Variants in HOMER1 observed in about 807,000 individuals in gnomAD.
The protein encoded by HOMER1 is homer protein homolog 1.
In HOMER1, 3 loss-of-function variants were observed where a neutral mutation model predicts 48.9. The ratio of observed to expected loss-of-function variants is 0.06; its 90% CI spans 0.03 to 0.16. The LOEUF (loss-of-function observed/expected upper bound fraction) is 0.16, where lower values mean the gene tolerates loss of function less well. Ranked by LOEUF, HOMER1 falls within the 10% of genes least tolerant of loss-of-function variation. The pLI, the probability that HOMER1 is intolerant of heterozygous loss-of-function variation, is 1.00. For missense variants in HOMER1, 247 were observed against 411.4 expected, an observed-to-expected ratio of 0.60 and a Z score of 3.46; for synonymous variants, 134 against 146.4, an observed-to-expected ratio of 0.92 and a Z score of 0.61.
At chr5:79,413,552 T>C (rs1441719988) in intron 5 of HOMER1, among the ~76,000 whole-genome samples, 1 of 152,114 alleles carries the variant, frequency 6.6e-6, no homozygotes, top group African/African-American at 2.4e-5. Context: ...CTGAACACTA[T>C]GCCCAACAGG....
chr5:79,482,533 C>T (rs889761724), intron 1 of HOMER1, among the ~76,000 whole-genome samples: 3 of 149,558 alleles, frequency 2.0e-5, no homozygotes, highest in East Asian at 3.9e-4. Flanking sequence ...TAAGGCATTA[C>T]AGAAAAAAAA....
At chr5:79,406,803 T>C (rs1015417618) in intron 5 of HOMER1, among the ~76,000 whole-genome samples, 1 of 152,110 alleles carries the variant, frequency 6.6e-6, no homozygotes, top group Non-Finnish European at 1.5e-5. Context: ...GGCAGGAAAC[T>C]CCTACACAAG....
intron 1 of HOMER1, among the ~76,000 whole-genome samples, chr5:79,483,911 G>A (rs868237131): frequency 4.6e-5 from 7 of 151,712 alleles, no homozygotes; most frequent in African/African-American, 9.7e-5. Flanking sequence ...AAAATTAGCC[G>A]GGTGTGGTGG....
intron 6 of HOMER1, among the ~76,000 whole-genome samples, chr5:79,398,716 A>C (rs916067565): frequency 6.6e-6 from 1 of 152,168 alleles, no homozygotes. Context: ...CTAAACGCTC[A>C]GATCCTCTGT....
At position 79,471,551 on chromosome 5, in the gene HOMER1, G is replaced by GAAAAAAAAAAA. The variant is rs55724615; in HGVS notation, c.6-14544_6-14534dup. ...AATAAGAGCAAAACTCCATCTCAAA[G>GAAAAAAAAAAA]AAAAAAAAAAAAAAAAAAAAAAGAA... is the stretch of plus-strand genomic sequence containing the variant. On this transcript the variant is annotated intron_variant, in intron 1 of 8. Coordinates refer to ENST00000334082, the MANE Select transcript of HOMER1 (RefSeq NM_004272.5). Among the ~76,000 whole-genome samples, 71 of 97,642 alleles carry GAAAAAAAAAAA rather than the reference G, an allele frequency of 7.3e-4. 1 individual carries two copies. The highest frequency in any genetic ancestry group is 1.1e-3 in the South Asian group (3 of 2,658). The allele number at this position is 97,642 out of a possible 152,430, so 64.1% of individuals were successfully genotyped here.
intron 4 of HOMER1, among the ~76,000 whole-genome samples, chr5:79,446,804 A>ATTTTTTTTTT (rs35036295): frequency 2.0e-5 from 2 of 101,730 alleles, no homozygotes; most frequent in Non-Finnish European, 3.7e-5. Context: ...CACTTGGCTA[A>ATTTTTTTTTT]TTTTTTTTTT....
chr5:79,413,770 T>C (rs1749870056), intron 5 of HOMER1, among the ~76,000 whole-genome samples: 1 of 152,086 alleles, frequency 6.6e-6, no homozygotes, highest in Admixed American at 6.5e-5. Flanking sequence ...GGCCCTAAGC[T>C]ATAATAGGTC....
chr5:79,441,055 G>T lies in HOMER1; in HGVS notation c.388-1906C>A, dbSNP rs530586525. Among the ~76,000 whole-genome samples, 4 of 152,258 alleles carry T rather than the reference G, an allele frequency of 2.6e-5. No individual in the cohort carries two copies. In the South Asian group the frequency reaches 8.3e-4, roughly 32 times the overall value. ...GGTGCCTGTAGTCCCAGCTATTCGG[G>T]AGGCTGAGGTGGAAGAATCGCTTGA... On this transcript the variant is annotated intron_variant, in intron 4 of 8. Transcript: ENST00000334082.
chr5:79,392,295 A>G (rs1211564395), intron 8 of HOMER1, among the ~76,000 whole-genome samples: 1 of 152,178 alleles, frequency 6.6e-6, no homozygotes, highest in Non-Finnish European at 1.5e-5. Flanking sequence ...AGGAGATGAC[A>G]GCTCCATGCC....
At chr5:79,442,221 C>A (rs1052526333) in intron 4 of HOMER1, among the ~76,000 whole-genome samples, 1 of 151,994 alleles carries the variant, frequency 6.6e-6, no homozygotes, top group Non-Finnish European at 1.5e-5. Context: ...AAGAACAAAT[C>A]TGAGAGAGTA....
chr5:79,459,404 G>T (rs988373516), intron 1 of HOMER1, among the ~76,000 whole-genome samples: 1 of 152,198 alleles, frequency 6.6e-6, no homozygotes, highest in East Asian at 1.9e-4. Context: ...TATTGTATAA[G>T]CAAATGCCAT....
At chr5:79,504,981 A>AAGACTCCC (rs1215059032) in intron 1 of HOMER1, among the ~76,000 whole-genome samples, 1 of 152,206 alleles carries the variant, frequency 6.6e-6, no homozygotes, top group Non-Finnish European at 1.5e-5. Flanking sequence ...GACTTCTATT[A>AAGACTCCC]AGACTCCCCA....
At chr5:79,412,051 G>A (rs1580432732) in intron 5 of HOMER1, among the ~76,000 whole-genome samples, 1 of 152,262 alleles carries the variant, frequency 6.6e-6, no homozygotes, top group African/African-American at 2.4e-5. Context: ...CCTGGGAGGT[G>A]GAGGTTGCAG....
intron 5 of HOMER1, among the ~76,000 whole-genome samples, chr5:79,403,702 G>A (rs1359250681): frequency 1.3e-5 from 2 of 152,156 alleles, no homozygotes; most frequent in East Asian, 3.8e-4. Flanking sequence ...CAATGCTACT[G>A]CCCTGGATTT....
chr5:79,401,210 C>T (rs1164882890), intron 6 of HOMER1, among the ~76,000 whole-genome samples: 1 of 152,050 alleles, frequency 6.6e-6, no homozygotes, highest in Non-Finnish European at 1.5e-5. Context: ...TGAGACAGTG[C>T]AATTACACGG....
Position 79,467,464 on chromosome 5 carries a change from A to G in HOMER1, c.6-10446T>C, listed in dbSNP as rs1373002012. On this transcript the variant is annotated intron_variant, in intron 1 of 8. Coordinates refer to ENST00000334082, the MANE Select transcript of HOMER1 (RefSeq NM_004272.5). ...TAAGTGCTAATATCACCTTCAACGA[A>G]CAATCATAATACTCTAAGGTACACT... is the stretch of plus-strand genomic sequence containing the variant. Among the ~76,000 whole-genome samples the G allele has an allele frequency of 3.3e-5, 5 of 152,000 alleles. No homozygotes were observed. The East Asian group carries it at 9.7e-4, about 29-fold the overall frequency.
chr5:79,385,853 A>AG (rs1749096908), intron 8 of HOMER1, among the ~76,000 whole-genome samples: 2 of 150,984 alleles, frequency 1.3e-5, no homozygotes, highest in South Asian at 4.2e-4. Context: ...AAAAAAAAAA[A>AG]AAAAAAAAAA....
At chr5:79,484,242 T>A (rs1362998965) in intron 1 of HOMER1, among the ~76,000 whole-genome samples, 1 of 151,656 alleles carries the variant, frequency 6.6e-6, no homozygotes, top group South Asian at 2.1e-4. Flanking sequence ...AAAGAAAAGG[T>A]ATAGTTAGTA....
At chr5:79,384,996 T>C (rs1440679753) in intron 8 of HOMER1, among the ~76,000 whole-genome samples, 2 of 152,100 alleles carry the variant, frequency 1.3e-5, no homozygotes, top group East Asian at 3.9e-4. Flanking sequence ...TGTTTCAAGA[T>C]AATAAAAGCC....
Sources: allele counts gnomAD v4.1 joint callset (sites outside exome capture counted in the v4.1 genomes callset), GRCh38; gene constraint gnomAD v4.1.1; transcripts MANE v1.5; gene names NCBI Gene and HGNC (gene_info 2026-07-23, HGNC 2026-07-21).